Variants in SEL1L3 observed in about 807,000 individuals in gnomAD.
SEL1L3 encodes the protein protein sel-1 homolog 3.
In SEL1L3, 76 loss-of-function variants were observed where a neutral mutation model predicts 142.8. The ratio of observed to expected loss-of-function variants is 0.53; its 90% confidence interval spans 0.44 to 0.64. SEL1L3 has a LOEUF of 0.64. Ranked by LOEUF, SEL1L3 falls within the 30% of genes least tolerant of loss-of-function variation. The pLI, the probability that SEL1L3 is intolerant of heterozygous loss-of-function variation, is 0.00. For synonymous variants in SEL1L3, 504 were observed against 519.6 expected, an observed-to-expected ratio of 0.97 and a Z score of 0.41; for missense variants, 1,262 against 1,381.7, an observed-to-expected ratio of 0.91 and a Z score of 1.37.
At chr4:25,847,894 A>T (rs990049853) in intron 1 of SEL1L3, 30 bp from the exon 2 acceptor site, 3 of 1,361,362 alleles carry the variant, frequency 2.2e-6, no homozygotes, top group Non-Finnish European at 3.0e-6. Flanking sequence ...AGTAAGAAAT[A>T]CAGAAAGTTT....
At chr4:25,853,710 C>T (rs1452790383) in intron 1 of SEL1L3, among the ~76,000 whole-genome samples, 3 of 125,004 alleles carry the variant, frequency 2.4e-5, no homozygotes, top group South Asian at 2.5e-4. Context: ...CTCGCTCTGT[C>T]GCCCAGGCTG....
At chr4:25,770,076 C>T (rs924899402) in intron 17 of SEL1L3, among the ~76,000 whole-genome samples, 1 of 151,966 alleles carries the variant, frequency 6.6e-6, no homozygotes, top group Non-Finnish European at 1.5e-5. Context: ...TGCAGTGAGC[C>T]GAGACTGTGC....
intron 2 of SEL1L3, among the ~76,000 whole-genome samples, chr4:25,841,979 G>A (rs1716193847): frequency 6.6e-6 from 1 of 152,016 alleles, no homozygotes. Context: ...AGATAACCAC[G>A]TAAACCACAT....
chr4:25,797,785 C>T (rs1712888174), intron 11 of SEL1L3, among the ~76,000 whole-genome samples: 2 of 152,186 alleles, frequency 1.3e-5, no homozygotes, highest in South Asian at 2.1e-4. Context: ...TGCTGGGCCC[C>T]GGGACACAGA....
rs535583476 is a variant in SEL1L3 at position 25,753,975 on chromosome 4, C to G, written c.3259+3559G>C. ...CTCCAGCCTGGGCGACAGTGAGACT[C>G]CGTCTCAACATAAATAAATAAATAA... On this transcript the variant is annotated intron_variant, in intron 23 of 23. Transcript: ENST00000399878. Among the ~76,000 whole-genome samples, 4 of 132,884 alleles carry G rather than the reference C, an allele frequency of 3.0e-5. No homozygotes were observed. The East Asian group carries it at 8.8e-4, about 29-fold the overall frequency. The allele number at this position is 132,884 out of a possible 152,430, so 87.2% of individuals were successfully genotyped here. A position where few individuals can be genotyped will look rare whatever the true frequency, so the allele number is the denominator to read the frequency against.
chr4:25,757,878 A>T (rs1718103590), intron 21 of SEL1L3, 88 bp from the exon 22 acceptor site: 3 of 879,630 alleles, frequency 3.4e-6, no homozygotes, highest in Non-Finnish European at 3.7e-6. Flanking sequence ...ACAAACCTAC[A>T]TTCTTCTGCT....
the SEL1L3 span, among the ~76,000 whole-genome samples, chr4:25,729,451 C>T: frequency 6.6e-6 from 1 of 152,192 alleles, no homozygotes; most frequent in African/African-American, 2.4e-5. Context: ...CGGTGGCTTG[C>T]ACCTGTAATC....
At chr4:25,769,071 C>T (rs1057264870) in intron 17 of SEL1L3, among the ~76,000 whole-genome samples, 1 of 152,048 alleles carries the variant, frequency 6.6e-6, no homozygotes, top group African/African-American at 2.4e-5. Flanking sequence ...TCTATTTTAT[C>T]CAGAAGTAGT....
intron 11 of SEL1L3, 28 bp downstream of exon 11, chr4:25,802,255 C>G (rs764846290): frequency 8.2e-6 from 13 of 1,594,066 alleles, no homozygotes; most frequent in Non-Finnish European, 1.0e-5. Flanking sequence ...GGGCCATAAC[C>G]ATTCCCAACC....
At position 25,767,562 on chromosome 4, in the gene SEL1L3, A is replaced by G; in HGVS notation, c.2808T>C (p.Tyr936=). 6.2e-7 allele frequency: 1 copy of G among 1,601,868 alleles called. No homozygotes were observed. The highest frequency in any genetic ancestry group is 8.5e-7 in the Non-Finnish European group (1 of 1,171,978). ...CATCGATTTGAAAAACAGAGAAATT[A>G]TAGTATCTCCAAACACAGTTAACAC... ...YLGVNCVWRY[Y]NFSVFQIDAP... Residue 936 remains tyrosine, a synonymous_variant, in exon 19 of 24, where the codon TAT becomes TAC. Coordinates refer to ENST00000399878, the MANE Select transcript of SEL1L3 (RefSeq NM_015187.5).
chr4:25,847,262 G>A, intron 2 of SEL1L3, 32 bp downstream of exon 2: 3 of 1,548,882 alleles, frequency 1.9e-6, no homozygotes, highest in Non-Finnish European at 2.6e-6. Context: ...GAAAAAATGA[G>A]AATTAGGTTC....
chr4:25,810,921 G>A (rs780513667), intron 9 of SEL1L3, among the ~76,000 whole-genome samples: 4 of 152,250 alleles, frequency 2.6e-5, no homozygotes, highest in African/African-American at 7.2e-5. Flanking sequence ...TCTGGGAGGC[G>A]AGGAACGGGT....
chr4:25,724,146 C>T, the SEL1L3 span, among the ~76,000 whole-genome samples: 3 of 152,122 alleles, frequency 2.0e-5, no homozygotes, highest in Non-Finnish European at 4.4e-5. Context: ...GGACTGGGCC[C>T]GGTGGCTCAC....
At chr4:25,831,773 C>A (rs1241629213) in intron 5 of SEL1L3, among the ~76,000 whole-genome samples, 1 of 152,062 alleles carries the variant, frequency 6.6e-6, no homozygotes, top group East Asian at 1.9e-4. Context: ...CCCTCCTCAG[C>A]CTCCCAAAGT....
At chr4:25,814,731 G>A (rs1343788925) in intron 9 of SEL1L3, among the ~76,000 whole-genome samples, 1 of 152,042 alleles carries the variant, frequency 6.6e-6, no homozygotes, top group Non-Finnish European at 1.5e-5. Flanking sequence ...TTTTATAGGA[G>A]ATCAGAGTAA....
At chr4:25,790,398 T>A (rs1285431619) in intron 12 of SEL1L3, 57 bp downstream of exon 12, 2 of 1,561,996 alleles carry the variant, frequency 1.3e-6, no homozygotes, top group African/African-American at 2.7e-5. Flanking sequence ...ATTACCACGG[T>A]ATAACCCAGT....
chr4:25,832,610 T>C (rs1206902593), intron 5 of SEL1L3, among the ~76,000 whole-genome samples: 1 of 152,182 alleles, frequency 6.6e-6, no homozygotes, highest in Non-Finnish European at 1.5e-5. Context: ...AACCAATCCA[T>C]TTCCTTAAAA....
chr4:25,802,942 C>A (rs1713284581), intron 10 of SEL1L3, among the ~76,000 whole-genome samples: 2 of 152,192 alleles, frequency 1.3e-5, no homozygotes, highest in Admixed American at 1.3e-4. Flanking sequence ...CAGCTAGCTG[C>A]CCTTCCTAAT....
At chr4:25,773,488 C>T (rs1288791606) in intron 17 of SEL1L3, 1 of 151,980 alleles carries the variant, frequency 6.6e-6, no homozygotes, top group East Asian at 1.9e-4. Context: ...AAGAGAAAAG[C>T]CACCCTACTG....
Sources: gnomAD v4.1 joint callset for allele counts (sites outside exome capture counted in the v4.1 genomes callset) on GRCh38, gnomAD v4.1.1 for gene constraint, MANE v1.5 for transcripts, NCBI Gene and HGNC (gene_info 2026-07-23, HGNC 2026-07-21) for gene names.